Variants in DLG2 observed in about 807,000 individuals in gnomAD.
DLG2 encodes the protein discs large MAGUK scaffold protein 2, also known as disks large homolog 2.
A neutral mutation model predicts 132.5 loss-of-function variants in DLG2; 45 were observed. That is an observed-to-expected ratio of 0.34 (90% CI 0.27 to 0.44). DLG2 has a LOEUF of 0.44. Ranked by LOEUF, DLG2 falls within the 20% of genes least tolerant of loss-of-function variation. DLG2 has a pLI of 1.00. For missense variants in DLG2, 1,045 were observed against 1,196.9 expected, an observed-to-expected ratio of 0.87 and a Z score of 1.87; for synonymous variants, 424 against 419.6, an observed-to-expected ratio of 1.01 and a Z score of -0.13.
At chr11:84,714,605 T>TCTCTCTCTCTCTCTCTC (rs2060921839) in intron 6 of DLG2, among the ~76,000 whole-genome samples, 1 of 99,438 alleles carries the variant, frequency 1.0e-5, no homozygotes, top group African/African-American at 4.4e-5. Flanking sequence ...TTCTTTCTCT[T>TCTCTCTCTCTCTCTCTC]TCTCTTTCTC....
Position 84,053,281 on chromosome 11 carries a change from A to C in DLG2, c.919+6034T>G, listed in dbSNP as rs1279304831. ...GCCTGTTGGAGGGGAAGCAGGAGGAAGGGAGAGCATCAGGTACTAGGAAGA... is the reference window on the plus strand; with the variant it reads ...GCCTGTTGGAGGGGAAGCAGGAGGACGGGAGAGCATCAGGTACTAGGAAGA... On this transcript the variant is annotated intron_variant, in intron 11 of 27. Coordinates refer to ENST00000376104, the MANE Select transcript of DLG2 (RefSeq NM_001142699.3). 2.6e-5 allele frequency among the ~76,000 whole-genome samples: 4 copies of C among 151,978 alleles called. No homozygotes were observed. In the East Asian group the frequency reaches 7.8e-4, roughly 30 times the overall value.
chr11:83,766,145 G>A (rs926846263), intron 18 of DLG2, among the ~76,000 whole-genome samples: 4 of 149,598 alleles, frequency 2.7e-5, no homozygotes, highest in African/African-American at 9.9e-5. Context: ...CCAGGCTGGA[G>A]TGCAGTGACG....
intron 6 of DLG2, among the ~76,000 whole-genome samples, chr11:84,950,832 T>A (rs907244834): frequency 6.6e-6 from 1 of 152,052 alleles, no homozygotes; most frequent in South Asian, 2.1e-4. Context: ...GTCTACATAA[T>A]ATGAATTCCA....
intron 3 of DLG2, among the ~76,000 whole-genome samples, chr11:85,488,752 C>T (rs1597845669): frequency 6.6e-6 from 1 of 152,096 alleles, no homozygotes; most frequent in Non-Finnish European, 1.5e-5. Context: ...CTATATCTAG[C>T]AAGATTAATG....
At chr11:84,843,691 T>C (rs1266839506) in intron 6 of DLG2, among the ~76,000 whole-genome samples, 1 of 151,868 alleles carries the variant, frequency 6.6e-6, no homozygotes, top group Non-Finnish European at 1.5e-5. Context: ...TAATACCTAA[T>C]ACGATGGTAA....
chr11:84,631,655 C>T lies in DLG2; in HGVS notation c.358-96924G>A, dbSNP rs899647626. 2.6e-5 allele frequency among the ~76,000 whole-genome samples: 4 copies of T among 152,098 alleles called. 1 individual carries two copies. Among genetic ancestry groups the T allele is most frequent in the Non-Finnish European group, 5.9e-5 (4 of 67,998 alleles). On this transcript the variant is annotated intron_variant, in intron 6 of 27. Coordinates refer to ENST00000376104, the MANE Select transcript of DLG2 (RefSeq NM_001142699.3). ...CAATAGGCCATACTTCACTACCACTCCCCTGCCCAATACATACACATAAAA... is the reference window on the plus strand; with the variant it reads ...CAATAGGCCATACTTCACTACCACTTCCCTGCCCAATACATACACATAAAA...
intron 6 of DLG2, among the ~76,000 whole-genome samples, chr11:84,782,515 T>G (rs1158009746): frequency 6.6e-6 from 1 of 151,926 alleles, no homozygotes; most frequent in Non-Finnish European, 1.5e-5. Flanking sequence ...TAGGGCTTAG[T>G]GAATAACTGA....
At chr11:83,825,156 T>C (rs753377703) in intron 17 of DLG2, among the ~76,000 whole-genome samples, 8 of 92,522 alleles carry the variant, frequency 8.6e-5, no homozygotes, top group South Asian at 3.8e-4. Flanking sequence ...CACACACATA[T>C]ATATATATAT....
intron 7 of DLG2, among the ~76,000 whole-genome samples, chr11:84,367,961 C>A (rs998176741): frequency 2.6e-5 from 4 of 152,126 alleles, no homozygotes; most frequent in East Asian, 1.9e-4. Flanking sequence ...ATGCACACAT[C>A]TCTTTATTTA....
At chr11:84,274,257 T>C (rs1312605652) in intron 7 of DLG2, among the ~76,000 whole-genome samples, 1 of 152,082 alleles carries the variant, frequency 6.6e-6, no homozygotes, top group Admixed American at 6.5e-5. Context: ...TAGAAGGTGC[T>C]AGGAGGTAAG....
At chr11:84,921,641 A>G (rs2092760549) in intron 6 of DLG2, among the ~76,000 whole-genome samples, 1 of 152,158 alleles carries the variant, frequency 6.6e-6, no homozygotes, top group South Asian at 2.1e-4. Flanking sequence ...TAGCAAAACA[A>G]TTGTTATCTC....
intron 6 of DLG2, among the ~76,000 whole-genome samples, chr11:84,599,658 G>A (rs1436476274): frequency 1.3e-5 from 2 of 152,082 alleles, no homozygotes; most frequent in African/African-American, 2.4e-5. Context: ...TGTGTTTTGG[G>A]AGCATTTAGT....
intron 16 of DLG2, among the ~76,000 whole-genome samples, chr11:83,850,299 A>G (rs981389233): frequency 6.6e-6 from 1 of 152,006 alleles, no homozygotes; most frequent in African/African-American, 2.4e-5. Flanking sequence ...GATTACAGGC[A>G]TGTGCCACCA....
At chr11:85,423,268 C>A (rs970049902) in intron 3 of DLG2, among the ~76,000 whole-genome samples, 8 of 152,264 alleles carry the variant, frequency 5.3e-5, no homozygotes, top group Admixed American at 3.9e-4. Flanking sequence ...TGCACAGAGT[C>A]CTGGGATGTG....
chr11:83,881,870 C>G (rs144914671), intron 15 of DLG2, among the ~76,000 whole-genome samples: 1,904 of 152,008 alleles, frequency 0.013, 41 homozygotes, highest in African/African-American at 0.042. Flanking sequence ...ACAAAAAAGC[C>G]TTGTCTCTAT....
At chr11:85,517,692 C>T (rs557233308) in intron 3 of DLG2, among the ~76,000 whole-genome samples, 3 of 151,970 alleles carry the variant, frequency 2.0e-5, no homozygotes, top group Non-Finnish European at 4.4e-5. Context: ...TCGCTCACTG[C>T]AGTCTTGAAT....
At chr11:84,232,853 A>G (rs1412364254) in intron 8 of DLG2, among the ~76,000 whole-genome samples, 1 of 152,226 alleles carries the variant, frequency 6.6e-6, no homozygotes, top group Non-Finnish European at 1.5e-5. Context: ...TGAAGAGATC[A>G]AGGCCATGAT....
intron 7 of DLG2, among the ~76,000 whole-genome samples, chr11:84,442,998 G>A (rs2099022182): frequency 6.6e-6 from 1 of 152,106 alleles, no homozygotes; most frequent in African/African-American, 2.4e-5. Context: ...CCCGGCTGCA[G>A]ATGGATATAT....
rs1443053421 is a variant in DLG2 at position 85,582,692 on chromosome 11, A to C, written c.40+15965T>G. ...AAAAAAAAAAAAAAAAAAAAAAAAA[A>C]AAAAAAAAAAAAACTCGTGCAGCAA... On this transcript the variant is annotated intron_variant, in intron 3 of 27. Transcript: ENST00000376104. Among the ~76,000 whole-genome samples the C allele has an allele frequency of 3.6e-5, 5 of 139,776 alleles. 1 individual carries two copies. Among genetic ancestry groups the C allele is most frequent in the East Asian group, 2.1e-4 (1 of 4,786 alleles). The allele number at this position is 139,776 out of a possible 152,430, so 91.7% of individuals were successfully genotyped here. A position where few individuals can be genotyped will look rare whatever the true frequency, so the allele number is the denominator to read the frequency against.
Sources: gnomAD v4.1 joint callset for allele counts (sites outside exome capture counted in the v4.1 genomes callset) on GRCh38, gnomAD v4.1.1 for gene constraint, MANE v1.5 for transcripts, NCBI Gene and HGNC (gene_info 2026-07-23, HGNC 2026-07-21) for gene names.